SH3PXD2A: variants seen among roughly 807,000 people sequenced by gnomAD.
SH3PXD2A encodes SH3 and PX domains 2A, also known as SH3 and PX domain-containing protein 2A.
Under a neutral mutation model 115.2 loss-of-function variants are expected in SH3PXD2A, and 32 were observed. That is an observed-to-expected ratio of 0.28 (90% CI 0.21 to 0.37). The LOEUF (loss-of-function observed/expected upper bound fraction) is 0.37, where lower values mean the gene tolerates loss of function less well. Among genes scored for constraint, SH3PXD2A ranks in the 10% least tolerant of loss-of-function variants. The pLI is 1.00. For missense variants in SH3PXD2A, 1,328 were observed against 1,498.7 expected (o/e 0.89, Z 1.88); for synonymous variants, 610 against 629.1 (o/e 0.97, Z 0.45).
At position 103,730,424 on chromosome 10, in the gene SH3PXD2A, C is replaced by T. The variant is rs113697441; in HGVS notation, c.306+5308G>A. On this transcript the variant is annotated intron_variant, in intron 4 of 14. Transcript: ENST00000369774. ...CCTCCCACCTGTGTCCTTCCAGCCCCACCTCTGGGGCTGCCTCTAACCTGC... is the reference window on the plus strand; with the variant it reads ...CCTCCCACCTGTGTCCTTCCAGCCCTACCTCTGGGGCTGCCTCTAACCTGC... 4.8e-3 allele frequency among the ~76,000 whole-genome samples: 736 copies of T among 152,096 alleles called. 10 individuals are homozygous for T. The highest frequency in any genetic ancestry group is 0.017 in the African/African-American group (691 of 41,498).
chr10:103,636,190 C>T (rs959366086), intron 8 of SH3PXD2A, among the ~76,000 whole-genome samples: 1 of 152,278 alleles, frequency 6.6e-6, no homozygotes, highest in East Asian at 1.9e-4. Flanking sequence ...AGGCGGATCA[C>T]GAGGCCAGGA....
At chr10:103,660,559 A>G (rs2037279765) in intron 8 of SH3PXD2A, among the ~76,000 whole-genome samples, 1 of 152,130 alleles carries the variant, frequency 6.6e-6, no homozygotes, top group South Asian at 2.1e-4. Flanking sequence ...CCTGGACCCC[A>G]TGGTGACAGC....
intron 1 of SH3PXD2A, among the ~76,000 whole-genome samples, chr10:103,826,945 A>G (rs1564898776): frequency 6.6e-6 from 1 of 152,166 alleles, no homozygotes; most frequent in Admixed American, 6.5e-5. Flanking sequence ...CGGCCCGGCT[A>G]ATGGAGGGAT....
intron 6 of SH3PXD2A, among the ~76,000 whole-genome samples, chr10:103,682,662 C>T (rs1234703985): frequency 1.3e-5 from 2 of 151,632 alleles, no homozygotes; most frequent in Non-Finnish European, 2.9e-5. Context: ...GAGGCGGAGG[C>T]AGGAGAATTG....
At chr10:103,772,106 C>T (rs1432593494) in intron 2 of SH3PXD2A, among the ~76,000 whole-genome samples, 1 of 152,196 alleles carries the variant, frequency 6.6e-6, no homozygotes, top group Non-Finnish European at 1.5e-5. Flanking sequence ...CAGAGCAAAC[C>T]AAGTAAGAGT....
chr10:103,750,106 G>A (rs776794670), intron 3 of SH3PXD2A, among the ~76,000 whole-genome samples: 1 of 152,184 alleles, frequency 6.6e-6, no homozygotes, highest in Non-Finnish European at 1.5e-5. Flanking sequence ...AGGCTGGAGT[G>A]CAGTAGCACA....
At chr10:103,831,660 A>G (rs2039483684) in intron 1 of SH3PXD2A, among the ~76,000 whole-genome samples, 1 of 152,142 alleles carries the variant, frequency 6.6e-6, no homozygotes, top group Non-Finnish European at 1.5e-5. Context: ...TCTCTACAAA[A>G]ATAAATTTAA....
chr10:103,625,036 C>T (rs1234084599), intron 9 of SH3PXD2A, among the ~76,000 whole-genome samples: 1 of 152,150 alleles, frequency 6.6e-6, no homozygotes, highest in Non-Finnish European at 1.5e-5. Context: ...CCACACCCAC[C>T]CCCCACACAC....
At chr10:103,835,293 C>T (rs1262855382) in intron 1 of SH3PXD2A, among the ~76,000 whole-genome samples, 1 of 152,194 alleles carries the variant, frequency 6.6e-6, no homozygotes, top group African/African-American at 2.4e-5. Context: ...GACGTGAGCT[C>T]GCAGGGGTGG....
chr10:103,610,232 G>A (rs1565707), intron 13 of SH3PXD2A, among the ~76,000 whole-genome samples: 89,831 of 152,162 alleles, frequency 0.59, 27,038 homozygotes, highest in East Asian at 0.86. Flanking sequence ...CTGTGCAGCC[G>A]TGCATGTGAG....
chr10:103,658,760 G>A (rs1354150583), intron 8 of SH3PXD2A, among the ~76,000 whole-genome samples: 1 of 152,298 alleles, frequency 6.6e-6, no homozygotes. Flanking sequence ...CTTTCTACCC[G>A]ACACCTTGAG....
At chr10:103,709,903 C>G (rs891872518) in intron 5 of SH3PXD2A, among the ~76,000 whole-genome samples, 2 of 145,064 alleles carry the variant, frequency 1.4e-5, no homozygotes, top group African/African-American at 2.6e-5. Context: ...GTCAGGAGTT[C>G]GAGACCAGTG....
intron 3 of SH3PXD2A, among the ~76,000 whole-genome samples, chr10:103,741,099 T>C (rs879543): frequency 0.32 from 49,274 of 152,126 alleles, 9,477 homozygotes; most frequent in African/African-American, 0.54. Context: ...GAGAAGAATT[T>C]AGAGAATGGT....
chr10:103,803,397 ATAACT>A (rs1320898902), intron 1 of SH3PXD2A, among the ~76,000 whole-genome samples: 1 of 152,236 alleles, frequency 6.6e-6, no homozygotes, highest in Non-Finnish European at 1.5e-5. Flanking sequence ...AACCATTTTG[ATAACT>A]TAATGTTACC....
intron 4 of SH3PXD2A, among the ~76,000 whole-genome samples, chr10:103,731,830 T>C (rs1683553892): frequency 6.6e-6 from 1 of 152,014 alleles, no homozygotes; most frequent in Non-Finnish European, 1.5e-5. Flanking sequence ...GTCTGGGAAG[T>C]GGGAATAAAA....
intron 1 of SH3PXD2A, among the ~76,000 whole-genome samples, chr10:103,830,343 G>A (rs150239469): frequency 1.3e-5 from 2 of 152,148 alleles, no homozygotes; most frequent in Non-Finnish European, 2.9e-5. Context: ...AGGCTGAATC[G>A]GTCCTTAGGG....
In SH3PXD2A at chr10:103,650,002, G is replaced by C. The variant is rs1310780841; in HGVS notation, c.604+10981C>G. Among the ~76,000 whole-genome samples, 4 of 152,378 alleles carry C rather than the reference G, an allele frequency of 2.6e-5. No homozygotes were observed. The South Asian group carries it at 6.2e-4, about 24-fold the overall frequency. On this transcript the variant is annotated intron_variant, in intron 8 of 14. Transcript: ENST00000369774. ...CCCCCAGAAGCCTTGCTAGATGGGG[G>C]AGTTTGCATTCTCCAGTTGGGGCAC... is the stretch of plus-strand genomic sequence containing the variant.
chr10:103,808,613 T>C lies in SH3PXD2A; in HGVS notation c.73-7251A>G, dbSNP rs372706194. On this transcript the variant is annotated intron_variant, in intron 1 of 14. Transcript: ENST00000369774. ...ATTTCCCCAGACTTCCGACATCTGA[T>C]CTGGACCCCCACTAGCCTGGCGAGT... Among the ~76,000 whole-genome samples the C allele has an allele frequency of 2.6e-5, 4 of 152,288 alleles. No homozygotes were observed. The East Asian group carries it at 5.8e-4, about 22-fold the overall frequency.
chr10:103,631,835 G>A (rs190404115), intron 8 of SH3PXD2A, among the ~76,000 whole-genome samples: 3 of 152,220 alleles, frequency 2.0e-5, no homozygotes, highest in East Asian at 1.9e-4. Context: ...TGTCAGTAGC[G>A]GTCAGGTGGG....
Sources: gnomAD v4.1 joint callset for allele counts (sites outside exome capture counted in the v4.1 genomes callset) on GRCh38, gnomAD v4.1.1 for gene constraint, MANE v1.5 for transcripts, NCBI Gene and HGNC (gene_info 2026-07-23, HGNC 2026-07-21) for gene names.